ULK4: variants seen among roughly 807,000 people sequenced by gnomAD.
ULK4 encodes the protein inactive serine/threonine-protein kinase ULK4.
A neutral mutation model predicts 160.6 loss-of-function variants in ULK4; 133 were observed. The ratio of observed to expected loss-of-function variants is 0.83; its 90% CI spans 0.72 to 0.96. The LOEUF (loss-of-function observed/expected upper bound fraction) is 0.96, where lower values mean the gene tolerates loss of function less well. Among genes scored for constraint, ULK4 ranks in the 40% least tolerant of loss-of-function variants. The pLI is 0.00. For synonymous variants in ULK4, 534 were observed against 539.8 expected (o/e 0.99, Z 0.15); for missense variants, 1,580 against 1,499.5 (o/e 1.05, Z -0.89).
At chr3:41,772,465 T>C (rs1268198496) in intron 21 of ULK4, among the ~76,000 whole-genome samples, 8 of 151,788 alleles carry the variant, frequency 5.3e-5, no homozygotes, top group Non-Finnish European at 1.0e-4. Flanking sequence ...AACTAGAAAA[T>C]CTAGAAGAAA....
At chr3:41,299,897 T>C (rs192283692) in intron 35 of ULK4, among the ~76,000 whole-genome samples, 1 of 152,344 alleles carries the variant, frequency 6.6e-6, no homozygotes. Context: ...CTGAGAAGTA[T>C]AAATAAGCTT....
At chr3:41,390,345 G>A (rs1187700258) in intron 35 of ULK4, among the ~76,000 whole-genome samples, 7 of 152,016 alleles carry the variant, frequency 4.6e-5, no homozygotes, top group African/African-American at 1.4e-4. Context: ...TTTTTGAAGG[G>A]TTTTTTGTGT....
chr3:41,731,275 T>TC (rs2037812385), intron 22 of ULK4, among the ~76,000 whole-genome samples: 4 of 151,714 alleles, frequency 2.6e-5, no homozygotes, highest in Non-Finnish European at 5.9e-5. Context: ...CTATAGAAAA[T>TC]CCTAAAGGCT....
At chr3:41,759,280 CA>C (rs59545169) in intron 21 of ULK4, among the ~76,000 whole-genome samples, 11,868 of 151,864 alleles carry the variant, frequency 0.078, 1,477 homozygotes, top group African/African-American at 0.26. Flanking sequence ...AAGGAATTTA[CA>C]AAAAAAGCTC....
At position 41,341,540 on chromosome 3, in the gene ULK4, T is replaced by C. The variant is rs75791322; in HGVS notation, c.3678+56539A>G. On this transcript the variant is annotated intron_variant, in intron 35 of 36. Transcript: ENST00000301831. ...CTGAAAAGATCTTGCCCTGACCCACTGGCCTTGAATAATGGAGCAGTGCTA... is the reference window on the plus strand; with the variant it reads ...CTGAAAAGATCTTGCCCTGACCCACCGGCCTTGAATAATGGAGCAGTGCTA... Among the ~76,000 whole-genome samples, 627 of 152,348 alleles carry C rather than the reference T, an allele frequency of 4.1e-3. 3 individuals carry two copies. Among genetic ancestry groups the C allele is most frequent in the African/African-American group, 0.014 (602 of 41,576 alleles).
At chr3:41,747,488 G>A (rs1268234155) in intron 22 of ULK4, among the ~76,000 whole-genome samples, 1 of 150,484 alleles carries the variant, frequency 6.6e-6, no homozygotes, top group Admixed American at 6.6e-5. Flanking sequence ...GATTTGAGTA[G>A]AAAATGGTAG....
intron 21 of ULK4, among the ~76,000 whole-genome samples, chr3:41,774,915 CT>C (rs2039544923): frequency 6.6e-6 from 1 of 150,400 alleles, no homozygotes; most frequent in African/African-American, 2.5e-5. Flanking sequence ...AGTTCATGTC[CT>C]TTGTAGGGAC....
At chr3:41,506,259 G>C (rs963074718) in intron 32 of ULK4, among the ~76,000 whole-genome samples, 2 of 152,118 alleles carry the variant, frequency 1.3e-5, no homozygotes, top group African/African-American at 4.8e-5. Context: ...CAAGGCCCCA[G>C]TACACACAGG....
At chr3:41,784,799 G>T (rs1258207497) in intron 21 of ULK4, among the ~76,000 whole-genome samples, 3 of 152,112 alleles carry the variant, frequency 2.0e-5, no homozygotes, top group Admixed American at 6.5e-5. Context: ...TCAAGAAAAT[G>T]TCTATGATTC....
chr3:41,706,146 G>A (rs746509768), intron 25 of ULK4, among the ~76,000 whole-genome samples: 2 of 151,832 alleles, frequency 1.3e-5, no homozygotes, highest in Non-Finnish European at 2.9e-5. Flanking sequence ...ATTGCTGTTT[G>A]AGAGGAAGGC....
Position 41,617,395 on chromosome 3 carries a change from C to T in ULK4, c.3072-1678G>A, listed in dbSNP as rs1022929907. Among the ~76,000 whole-genome samples, 5 of 152,192 alleles carry T rather than the reference C, an allele frequency of 3.3e-5. No individual in the cohort carries two copies. The East Asian group carries it at 9.6e-4, about 29-fold the overall frequency. ...CTCTGGCTGGCATCAGGCCGGTGCC[C>T]CTCTGGGACAAAGCTTCCTGAGGAA... On this transcript the variant is annotated intron_variant, in intron 30 of 36. Coordinates refer to ENST00000301831, the MANE Select transcript of ULK4 (RefSeq NM_017886.4).
chr3:41,502,628 T>C (rs1795322), intron 32 of ULK4, among the ~76,000 whole-genome samples: 127,876 of 152,246 alleles, frequency 0.84, 55,011 homozygotes, highest in Non-Finnish European at 0.94. Flanking sequence ...AACAATACTA[T>C]TGATACATGT....
At chr3:41,614,920 T>C (rs1364176453) in intron 31 of ULK4, among the ~76,000 whole-genome samples, 1 of 152,194 alleles carries the variant, frequency 6.6e-6, no homozygotes. Flanking sequence ...CTGTTGTGCC[T>C]TGTGCTGTTA....
At chr3:41,588,310 T>C (rs912471608) in intron 31 of ULK4, among the ~76,000 whole-genome samples, 1 of 152,238 alleles carries the variant, frequency 6.6e-6, no homozygotes, top group African/African-American at 2.4e-5. Context: ...TAAAAATATG[T>C]ACTTGCATAC....
intron 35 of ULK4, among the ~76,000 whole-genome samples, chr3:41,367,963 T>C (rs1214277935): frequency 1.3e-5 from 2 of 152,168 alleles, no homozygotes; most frequent in Non-Finnish European, 2.9e-5. Flanking sequence ...CTATGCATTA[T>C]ATGTTTAAGG....
At chr3:41,250,837 T>C (rs931943983) in intron 35 of ULK4, 1 of 152,192 alleles carries the variant, frequency 6.6e-6, no homozygotes, top group African/African-American at 2.4e-5. Context: ...TGTTCTGAAA[T>C]TGCACCCAAC....
chr3:41,608,541 A>G (rs1379279405), intron 31 of ULK4, among the ~76,000 whole-genome samples: 3 of 152,190 alleles, frequency 2.0e-5, no homozygotes, highest in Non-Finnish European at 2.9e-5. Flanking sequence ...AGGCTTTTCC[A>G]GTAATTCTTT....
chr3:41,723,871 C>T (rs2037557593), intron 22 of ULK4, among the ~76,000 whole-genome samples: 1 of 152,216 alleles, frequency 6.6e-6, no homozygotes. Context: ...TCGTTTCCTT[C>T]CGAGCATGTG....
intron 17 of ULK4, among the ~76,000 whole-genome samples, chr3:41,875,443 T>C (rs1020712574): frequency 5.9e-5 from 9 of 152,040 alleles, no homozygotes; most frequent in African/African-American, 1.9e-4. Context: ...CTGGGCAACA[T>C]AGGGAGACTA....
Sources: allele counts gnomAD v4.1 joint callset (sites outside exome capture counted in the v4.1 genomes callset), GRCh38; gene constraint gnomAD v4.1.1; transcripts MANE v1.5; gene names NCBI Gene and HGNC (gene_info 2026-07-23, HGNC 2026-07-21).